The following KCNH7 variants were observed in gnomAD, a reference collection of about 807,000 sequenced individuals.
KCNH7 encodes the protein voltage-gated inwardly rectifying potassium channel KCNH7.
KCNH7 carries 49 observed loss-of-function variants against 120.8 expected under a neutral mutation model. The observed-to-expected ratio is 0.41, with a 90% confidence interval of 0.32 to 0.51. KCNH7 has a LOEUF of 0.51. Ranked by LOEUF, KCNH7 falls within the 20% of genes least tolerant of loss-of-function variation. The pLI is 0.38. For synonymous variants in KCNH7, 547 were observed against 516.1 expected (o/e 1.06, Z -0.81); for missense variants, 1,097 against 1,446.6 (o/e 0.76, Z 3.92).
chr2:162,628,890 C>G (rs1683655423), intron 2 of KCNH7, among the ~76,000 whole-genome samples: 1 of 151,900 alleles, frequency 6.6e-6, no homozygotes, highest in East Asian at 1.9e-4. Context: ...AACATGAGGA[C>G]CAGTATACAT....
At chr2:162,658,100 A>G (rs1410456175) in intron 2 of KCNH7, among the ~76,000 whole-genome samples, 1 of 151,604 alleles carries the variant, frequency 6.6e-6, no homozygotes, top group East Asian at 2.0e-4. Context: ...GGGAGCACAC[A>G]AGAAGAAGAC....
chr2:162,737,621 T>C lies in KCNH7; in HGVS notation c.307+98916A>G, dbSNP rs1415828921. On this transcript the variant is annotated intron_variant, in intron 2 of 15. Transcript: ENST00000332142. The stretch of plus-strand genomic sequence containing the variant: ...TTGTATTTCAGGAAAATTATATTAA[T>C]GACTAATAGACAAAAATAATAATGT... Among the ~76,000 whole-genome samples the C allele has an allele frequency of 2.6e-5, 4 of 152,174 alleles. 1 individual carries two copies. Among genetic ancestry groups the C allele is most frequent in the Non-Finnish European group, 5.9e-5 (4 of 68,024 alleles).
chr2:162,435,173 G>A, intron 8 of KCNH7, 25 bp downstream of exon 8: 1 of 1,585,236 alleles, frequency 6.3e-7, no homozygotes, highest in Non-Finnish European at 8.6e-7. Flanking sequence ...TATCCTAATA[G>A]ACAACAGAAG....
At chr2:162,543,585 T>C (rs1692385263) in intron 2 of KCNH7, among the ~76,000 whole-genome samples, 1 of 152,134 alleles carries the variant, frequency 6.6e-6, no homozygotes, top group South Asian at 2.1e-4. Flanking sequence ...TAAAACAATT[T>C]TAAACACTCA....
At chr2:162,420,153 A>T (rs887284272) in intron 9 of KCNH7, among the ~76,000 whole-genome samples, 2 of 152,126 alleles carry the variant, frequency 1.3e-5, no homozygotes, top group African/African-American at 4.8e-5. Context: ...AAGGCGGCAG[A>T]TCACTTGAGA....
At chr2:162,717,031 T>G (rs1271626991) in intron 2 of KCNH7, among the ~76,000 whole-genome samples, 1 of 152,024 alleles carries the variant, frequency 6.6e-6, no homozygotes, top group Non-Finnish European at 1.5e-5. Flanking sequence ...CAGCTAAACC[T>G]AAATGTAAAT....
intron 2 of KCNH7, among the ~76,000 whole-genome samples, chr2:162,555,204 G>C (rs940092779): frequency 6.6e-6 from 1 of 152,090 alleles, no homozygotes; most frequent in Admixed American, 6.6e-5. Flanking sequence ...ATATTTATTT[G>C]GAGGGCAAAT....
intron 4 of KCNH7, among the ~76,000 whole-genome samples, chr2:162,517,211 T>A (rs1195347579): frequency 6.6e-6 from 1 of 151,722 alleles, no homozygotes; most frequent in East Asian, 2.0e-4. Context: ...ACTTTCAGGA[T>A]TTTTTTCCCT....
At chr2:162,473,106 G>T (rs1276027369) in intron 6 of KCNH7, among the ~76,000 whole-genome samples, 1 of 151,954 alleles carries the variant, frequency 6.6e-6, no homozygotes, top group Non-Finnish European at 1.5e-5. Context: ...AGCATTAGGA[G>T]ATATACCTAA....
intron 2 of KCNH7, among the ~76,000 whole-genome samples, chr2:162,569,459 G>A (rs1162763773): frequency 6.9e-6 from 1 of 145,330 alleles, no homozygotes; most frequent in Non-Finnish European, 1.5e-5. Context: ...TATCAATTTT[G>A]TTGATCCTTT....
intron 2 of KCNH7, among the ~76,000 whole-genome samples, chr2:162,736,424 G>A (rs1176277541): frequency 6.6e-6 from 1 of 152,176 alleles, no homozygotes; most frequent in Non-Finnish European, 1.5e-5. Flanking sequence ...CATCAGATAT[G>A]ATTTACATCA....
intron 2 of KCNH7, among the ~76,000 whole-genome samples, chr2:162,716,968 G>A (rs774738572): frequency 3.9e-5 from 6 of 151,992 alleles, no homozygotes; most frequent in East Asian, 1.9e-4. Flanking sequence ...ATCATTAAAC[G>A]TTGCCTTTTT....
At chr2:162,751,760 A>T (rs958533997) in intron 2 of KCNH7, among the ~76,000 whole-genome samples, 1 of 151,694 alleles carries the variant, frequency 6.6e-6, no homozygotes. Context: ...TGAATTATGA[A>T]TACAAAAGCA....
intron 15 of KCNH7, among the ~76,000 whole-genome samples, chr2:162,373,114 T>C (rs1169595399): frequency 1.3e-5 from 2 of 152,158 alleles, no homozygotes; most frequent in African/African-American, 4.8e-5. Context: ...GACCCAGATT[T>C]TTCCTTAAAG....
At chr2:162,587,070 G>T (rs1694044564) in intron 2 of KCNH7, among the ~76,000 whole-genome samples, 1 of 151,956 alleles carries the variant, frequency 6.6e-6, no homozygotes, top group Non-Finnish European at 1.5e-5. Context: ...AGTATTAAAT[G>T]AATTCATATA....
intron 2 of KCNH7, among the ~76,000 whole-genome samples, chr2:162,641,803 G>A (rs1684166916): frequency 6.6e-6 from 1 of 152,110 alleles, no homozygotes; most frequent in Admixed American, 6.6e-5. Flanking sequence ...TTTGCAAAAT[G>A]TTATCATTGG....
chr2:162,594,496 A>G (rs919353131), intron 2 of KCNH7, among the ~76,000 whole-genome samples: 2 of 152,046 alleles, frequency 1.3e-5, no homozygotes, highest in African/African-American at 4.8e-5. Flanking sequence ...GCTAGTTGAG[A>G]ATACTAGAGG....
chr2:162,524,240 T>C (rs919758096), intron 3 of KCNH7, among the ~76,000 whole-genome samples: 3 of 152,050 alleles, frequency 2.0e-5, no homozygotes, highest in African/African-American at 7.2e-5. Context: ...AATGCAGGGA[T>C]AGCCCCTTCA....
chr2:162,504,666 A>T lies in KCNH7; in HGVS notation c.914-9T>A, dbSNP rs762466678. 2.6e-6 allele frequency: 4 copies of T among 1,562,102 alleles called. No individual in the cohort carries two copies. In the East Asian group the frequency reaches 9.0e-5, roughly 35 times the overall value. On this transcript the variant is annotated splice_polypyrimidine_tract_variant and intron_variant, in intron 5 of 15. Coordinates refer to ENST00000332142, the MANE Select transcript of KCNH7 (RefSeq NM_033272.4). ...GATATGATTAAAAGGCCCTAAAAAAATGGAAAGTATTTGTAAGAGTAATAT... is the reference window on the plus strand; with the variant it reads ...GATATGATTAAAAGGCCCTAAAAAATTGGAAAGTATTTGTAAGAGTAATAT...
Sources: allele counts gnomAD v4.1 joint callset (sites outside exome capture counted in the v4.1 genomes callset), GRCh38; gene constraint gnomAD v4.1.1; transcripts MANE v1.5; gene names NCBI Gene and HGNC (gene_info 2026-07-23, HGNC 2026-07-21).